Variants in SRFBP1 observed in about 807,000 individuals in gnomAD.
The protein encoded by SRFBP1 is serum response factor binding protein 1, also known as serum response factor-binding protein 1.
Under a neutral mutation model 45.5 loss-of-function variants are expected in SRFBP1, and 47 were observed. The observed-to-expected ratio is 1.03, with a 90% CI of 0.82 to 1.32. SRFBP1 has a LOEUF of 1.32. Ranked by LOEUF, SRFBP1 falls within the 40% of genes most tolerant of loss-of-function variation. The pLI is 0.00. For missense variants in SRFBP1, 621 were observed against 484.6 expected, an observed-to-expected ratio of 1.28 and a Z score of -2.64; for synonymous variants, 203 against 166.3, an observed-to-expected ratio of 1.22 and a Z score of -1.70.
At chr5:122,052,535 A>G (rs984892604) in intron 2 of SRFBP1, among the ~76,000 whole-genome samples, 11 of 152,030 alleles carry the variant, frequency 7.2e-5, no homozygotes, top group South Asian at 2.1e-4. Context: ...AGCTTGGTCT[A>G]TTCTGCTGTG....
chr5:122,047,966 A>C (rs1753895804), intron 2 of SRFBP1, among the ~76,000 whole-genome samples: 1 of 152,142 alleles, frequency 6.6e-6, no homozygotes. Context: ...GGGGTTTTCT[A>C]GGTATACAAT....
chr5:122,039,796 A>G (rs1580540147), intron 2 of SRFBP1, among the ~76,000 whole-genome samples: 1 of 152,192 alleles, frequency 6.6e-6, no homozygotes, highest in Non-Finnish European at 1.5e-5. Flanking sequence ...TACTGTAGTT[A>G]GGATTATCCT....
At chr5:122,047,008 C>G (rs559891349) in intron 2 of SRFBP1, among the ~76,000 whole-genome samples, 299 of 152,266 alleles carry the variant, frequency 2.0e-3, no homozygotes, top group African/African-American at 6.9e-3. Flanking sequence ...CCTGTTCACT[C>G]TGATGGTAGT....
At chr5:121,966,880 C>T (rs1210498637) in intron 1 of SRFBP1, among the ~76,000 whole-genome samples, 7 of 151,068 alleles carry the variant, frequency 4.6e-5, no homozygotes, top group African/African-American at 1.2e-4. Context: ...CCTGGGTTCA[C>T]GCCATTCTTC....
At chr5:122,055,035 T>A (rs1754056091) in intron 2 of SRFBP1, among the ~76,000 whole-genome samples, 2 of 152,230 alleles carry the variant, frequency 1.3e-5, no homozygotes, top group Non-Finnish European at 2.9e-5. Flanking sequence ...ACAATTGTTA[T>A]TGTCTTAGCC....
intron 7 of SRFBP1, among the ~76,000 whole-genome samples, chr5:122,025,039 C>T (rs957087623): frequency 6.6e-6 from 1 of 151,964 alleles, no homozygotes; most frequent in Non-Finnish European, 1.5e-5. Flanking sequence ...TATACATGTG[C>T]CATGTTGGTG....
chr5:121,997,720 G>A (rs1053698111), intron 4 of SRFBP1, among the ~76,000 whole-genome samples: 5 of 151,718 alleles, frequency 3.3e-5, no homozygotes, highest in Non-Finnish European at 1.5e-5. Context: ...CCATCAGAGT[G>A]AACAGGCAAC....
intron 2 of SRFBP1, among the ~76,000 whole-genome samples, chr5:122,045,288 T>C (rs1753837802): frequency 6.6e-6 from 1 of 152,226 alleles, no homozygotes; most frequent in Admixed American, 6.5e-5. Context: ...TCAGGTAGTG[T>C]GATGCCTCCG....
At chr5:122,024,657 G>C (rs1209792329) in intron 7 of SRFBP1, among the ~76,000 whole-genome samples, 3 of 152,146 alleles carry the variant, frequency 2.0e-5, no homozygotes, top group Non-Finnish European at 2.9e-5. Context: ...ACTATATTCT[G>C]ATTGTATGCC....
At chr5:122,017,832 A>G (rs1753220975) in intron 4 of SRFBP1, among the ~76,000 whole-genome samples, 1 of 152,236 alleles carries the variant, frequency 6.6e-6, no homozygotes. Context: ...GGATAAAGAC[A>G]TTTGAAACTG....
intron 2 of SRFBP1, among the ~76,000 whole-genome samples, chr5:121,974,856 T>C (rs1752269594): frequency 6.6e-6 from 1 of 151,944 alleles, no homozygotes. Context: ...TCAAGTATGT[T>C]TTGTTCCTGA....
At chr5:121,998,981 G>A (rs775846985) in intron 4 of SRFBP1, among the ~76,000 whole-genome samples, 4 of 151,876 alleles carry the variant, frequency 2.6e-5, no homozygotes, top group African/African-American at 9.7e-5. Flanking sequence ...TCTGTATTGC[G>A]TTTGTTTTTA....
At chr5:121,979,715 A>G (rs1415066863) in intron 3 of SRFBP1, among the ~76,000 whole-genome samples, 8 of 152,166 alleles carry the variant, frequency 5.3e-5, no homozygotes, top group Non-Finnish European at 8.8e-5. Flanking sequence ...CTGGGACACT[A>G]TGTAATTCCA....
At chr5:122,029,398 C>G (rs1753556139), downstream of SRFBP1, among the ~76,000 whole-genome samples, 1 of 151,990 alleles carries the variant, frequency 6.6e-6, no homozygotes, top group Non-Finnish European at 1.5e-5. Flanking sequence ...CATAGTTCCA[C>G]TTACTCCTTT....
chr5:122,014,452 G>A (rs1200466748), intron 4 of SRFBP1, among the ~76,000 whole-genome samples: 1 of 151,890 alleles, frequency 6.6e-6, no homozygotes, highest in Non-Finnish European at 1.5e-5. Context: ...ATGCAACACG[G>A]TGGCCCTTTT....
intron 1 of SRFBP1, among the ~76,000 whole-genome samples, chr5:121,971,126 T>A (rs1440482064): frequency 6.6e-6 from 1 of 151,984 alleles, no homozygotes; most frequent in Non-Finnish European, 1.5e-5. Flanking sequence ...CTGAGAGCAA[T>A]TGGACACCGT....
At chr5:121,998,514 G>T (rs1280333576) in intron 4 of SRFBP1, among the ~76,000 whole-genome samples, 1 of 116,464 alleles carries the variant, frequency 8.6e-6, no homozygotes, top group Non-Finnish European at 1.7e-5. Context: ...GGGGACTGTG[G>T]TGGGGTGGGG....
chr5:122,021,931 T>C (rs13156672), intron 6 of SRFBP1, among the ~76,000 whole-genome samples: 14 of 151,900 alleles, frequency 9.2e-5, no homozygotes, highest in Non-Finnish European at 1.3e-4. Context: ...CCTGACCTTG[T>C]GATCCACCCT....
chr5:122,037,889 A>T (rs1243293470), intron 2 of SRFBP1, among the ~76,000 whole-genome samples: 1 of 152,166 alleles, frequency 6.6e-6, no homozygotes, highest in South Asian at 2.1e-4. Flanking sequence ...TGCTTTATCA[A>T]ACCAATTAGT....
Sources: allele counts gnomAD v4.1 joint callset (sites outside exome capture counted in the v4.1 genomes callset), GRCh38; gene constraint gnomAD v4.1.1; transcripts MANE v1.5; gene names NCBI Gene and HGNC (gene_info 2026-07-23, HGNC 2026-07-21).